DPYD: variants seen among roughly 807,000 people sequenced by gnomAD.
The protein encoded by DPYD is dihydropyrimidine dehydrogenase [NADP(+)].
DPYD carries 109 observed loss-of-function variants against 116.2 expected under a neutral mutation model. That is an observed-to-expected ratio of 0.94 (90% CI 0.80 to 1.10). The LOEUF is 1.10. Ranked by LOEUF, DPYD falls within the 50% of genes least tolerant of loss-of-function variation. The pLI, the probability that DPYD is intolerant of heterozygous loss-of-function variation, is 0.00. For synonymous variants in DPYD, 440 were observed against 432.0 expected (o/e 1.02, Z -0.23); for missense variants, 1,302 against 1,254.5 (o/e 1.04, Z -0.57).
intron 13 of DPYD, 80 bp from the exon 14 acceptor site, chr1:97,450,303 AC>A: frequency 2.0e-6 from 3 of 1,494,982 alleles, no homozygotes; most frequent in Non-Finnish European, 2.7e-6. Context: ...TTTCCATATG[AC>A]AATATTTTAT....
chr1:97,433,380 G>A (rs571470705), intron 14 of DPYD, among the ~76,000 whole-genome samples: 2 of 152,274 alleles, frequency 1.3e-5, no homozygotes, highest in South Asian at 4.1e-4. Flanking sequence ...TTCATTAAAA[G>A]TTCTTTACAA....
chr1:97,183,406 T>C (rs1657780543), intron 20 of DPYD, among the ~76,000 whole-genome samples: 2 of 152,088 alleles, frequency 1.3e-5, no homozygotes, highest in Admixed American at 1.3e-4. Context: ...CAAAAATCAA[T>C]TGAGTGTATA....
At chr1:97,599,909 G>A (rs1384360529) in intron 8 of DPYD, among the ~76,000 whole-genome samples, 1 of 147,890 alleles carries the variant, frequency 6.8e-6, no homozygotes, top group African/African-American at 2.5e-5. Context: ...AGCCGGGCGT[G>A]CTGGCTCATG....
chr1:97,723,939 C>A (rs1422134673), intron 4 of DPYD, among the ~76,000 whole-genome samples: 1 of 151,746 alleles, frequency 6.6e-6, no homozygotes, highest in South Asian at 2.1e-4. Flanking sequence ...ATGCTAATTT[C>A]TGACAAATAC....
At chr1:97,448,819 C>T (rs1676234958) in intron 14 of DPYD, among the ~76,000 whole-genome samples, 1 of 151,986 alleles carries the variant, frequency 6.6e-6, no homozygotes, top group South Asian at 2.1e-4. Flanking sequence ...ACGATAGTTC[C>T]CTTCACATCC....
At chr1:97,627,567 G>GT (rs762026805) in intron 8 of DPYD, among the ~76,000 whole-genome samples, 2 of 151,872 alleles carry the variant, frequency 1.3e-5, no homozygotes, top group Non-Finnish European at 2.9e-5. Context: ...TTCATTTCTT[G>GT]TTAACAAAGA....
At chr1:97,696,727 A>C (rs577402068) in intron 6 of DPYD, among the ~76,000 whole-genome samples, 1 of 152,286 alleles carries the variant, frequency 6.6e-6, no homozygotes, top group South Asian at 2.1e-4. Flanking sequence ...ATATATCTAT[A>C]ACAACTTTCC....
chr1:97,872,992 C>T (rs1016258229), intron 2 of DPYD, among the ~76,000 whole-genome samples: 2 of 151,758 alleles, frequency 1.3e-5, no homozygotes, highest in Non-Finnish European at 2.9e-5. Flanking sequence ...CCTCCTTCAT[C>T]TTTATTTTCA....
chr1:97,122,196 A>G (rs1652496871), intron 20 of DPYD, among the ~76,000 whole-genome samples: 1 of 152,088 alleles, frequency 6.6e-6, no homozygotes, highest in African/African-American at 2.4e-5. Flanking sequence ...GAAAAGAGAG[A>G]TAATTCTAGA....
At chr1:97,775,785 T>C (rs541616465) in intron 3 of DPYD, among the ~76,000 whole-genome samples, 11 of 152,286 alleles carry the variant, frequency 7.2e-5, no homozygotes, top group Non-Finnish European at 1.5e-4. Flanking sequence ...AATGATACCA[T>C]AGCTAGAATG....
intron 20 of DPYD, among the ~76,000 whole-genome samples, chr1:97,141,130 G>T (rs1384113849): frequency 6.6e-6 from 1 of 152,100 alleles, no homozygotes; most frequent in Non-Finnish European, 1.5e-5. Flanking sequence ...TAGTGATCTC[G>T]CTTCATGTAG....
At chr1:97,462,728 A>G (rs914703547) in intron 13 of DPYD, among the ~76,000 whole-genome samples, 2 of 152,228 alleles carry the variant, frequency 1.3e-5, no homozygotes, top group Admixed American at 1.3e-4. Flanking sequence ...TTTCTTTAAC[A>G]TATTTTGAAA....
At chr1:97,191,748 G>C (rs1408377320) in intron 20 of DPYD, among the ~76,000 whole-genome samples, 1 of 152,118 alleles carries the variant, frequency 6.6e-6, no homozygotes, top group African/African-American at 2.4e-5. Flanking sequence ...AAACTATCAT[G>C]TCAGAGACAA....
In DPYD at chr1:97,287,050, T is replaced by C. The variant is rs189908896; in HGVS notation, c.2299+18209A>G. On this transcript the variant is annotated intron_variant, in intron 18 of 22. Coordinates refer to ENST00000370192, the MANE Select transcript of DPYD (RefSeq NM_000110.4). Reference sequence around the variant, plus strand: ...TCTGTTTTTTCCTTTTCCCCATCTTTGTGGTTTTATCTACTTTTGGTCTTT... The same window carrying C: ...TCTGTTTTTTCCTTTTCCCCATCTTCGTGGTTTTATCTACTTTTGGTCTTT... Among the ~76,000 whole-genome samples the C allele has an allele frequency of 4.2e-3, 637 of 152,294 alleles. 11 individuals are homozygous for C. Among genetic ancestry groups the C allele is most frequent in the African/African-American group, 0.015 (611 of 41,544 alleles).
At chr1:97,625,249 T>C (rs1656862709) in intron 8 of DPYD, among the ~76,000 whole-genome samples, 1 of 152,062 alleles carries the variant, frequency 6.6e-6, no homozygotes, top group African/African-American at 2.4e-5. Context: ...TGTCAATTTA[T>C]AATAAACTTT....
intron 3 of DPYD, among the ~76,000 whole-genome samples, chr1:97,757,853 T>C (rs1195939988): frequency 6.6e-6 from 1 of 152,218 alleles, no homozygotes; most frequent in South Asian, 2.1e-4. Context: ...GGGATGTAGA[T>C]GGTACAATCT....
intron 8 of DPYD, among the ~76,000 whole-genome samples, chr1:97,676,029 G>A (rs1047390083): frequency 2.6e-5 from 4 of 152,068 alleles, no homozygotes; most frequent in Non-Finnish European, 5.9e-5. Flanking sequence ...TTACAGGTGT[G>A]AGCCACCACG....
chr1:97,574,581 A>C (rs896327919), intron 10 of DPYD, among the ~76,000 whole-genome samples: 3 of 152,158 alleles, frequency 2.0e-5, no homozygotes, highest in African/African-American at 7.2e-5. Flanking sequence ...ATGAATGCCC[A>C]GTTCTTCCCC....
chr1:97,407,834 T>C (rs58516533), intron 14 of DPYD, among the ~76,000 whole-genome samples: 37,515 of 152,022 alleles, frequency 0.25, 4,756 homozygotes, highest in South Asian at 0.4. Flanking sequence ...CTAGAGGCCT[T>C]ACTTCCAGAG....
Sources: allele counts gnomAD v4.1 joint callset (sites outside exome capture counted in the v4.1 genomes callset), GRCh38; gene constraint gnomAD v4.1.1; transcripts MANE v1.5; gene names NCBI Gene and HGNC (gene_info 2026-07-23, HGNC 2026-07-21).